PRR12: variants seen among roughly 807,000 people sequenced by gnomAD.
PRR12 encodes the protein proline rich 12, also known as proline-rich protein 12.
In PRR12, 12 loss-of-function variants were observed where a neutral mutation model predicts 138.0. The ratio of observed to expected loss-of-function variants is 0.09; its 90% CI spans 0.06 to 0.14. The LOEUF (loss-of-function observed/expected upper bound fraction) is 0.14. Among genes scored for constraint, PRR12 ranks in the 10% least tolerant of loss-of-function variants. PRR12 has a pLI of 1.00. For synonymous variants in PRR12, 1,567 were observed against 1,291.7 expected (o/e 1.21, Z -4.57); for missense variants, 2,692 against 2,861.3 (o/e 0.94, Z 1.35).
Position 49,595,794 on chromosome 19 carries a change from C to G in PRR12, c.1459C>G (p.Pro487Ala). 6.3e-7 allele frequency: 1 copy of G among 1,598,508 alleles called. No individual in the cohort carries two copies. Among genetic ancestry groups the G allele is most frequent in the Non-Finnish European group, 8.5e-7 (1 of 1,174,496 alleles). Residue 487 changes from proline (P) to alanine (A), a missense_variant, in exon 4 of 14, where the codon CCT becomes GCT. Physicochemically the swap from Pro to Ala is conservative, Grantham distance 27. Around this residue, in one of 11 missense-constraint regions of PRR12, gnomAD observed 523 missense variants for 496.4 expected, o/e 1.05. Coordinates refer to ENST00000418929, the MANE Select transcript of PRR12 (RefSeq NM_020719.3). ...GGPPQPPSGPPPPGLATCQSY... is the reference protein window; with the variant it reads ...GGPPQPPSGPAPPGLATCQSY... ...CCCCCCACAGCCCCCCAGCGGCCCCCCTCCTCCTGGCCTGGCCACATGTCA... is the reference window on the plus strand; with the variant it reads ...CCCCCCACAGCCCCCCAGCGGCCCCGCTCCTCCTGGCCTGGCCACATGTCA...
At position 49,625,616 on chromosome 19, in the gene PRR12, C is replaced by A; in HGVS notation, c.*9C>A. 6.3e-7 allele frequency: 1 copy of A among 1,592,798 alleles called. No individual in the cohort carries two copies. The highest frequency in any genetic ancestry group is 1.1e-5 in the South Asian group (1 of 89,320). ...ACAGCCGCTGCGGGTGACCCCGCCC[C>A]AGCTTGTGAGGGGGGCGCCTCCTCC... On this transcript the variant is annotated 3_prime_UTR_variant, in exon 14 of 14. Coordinates refer to ENST00000418929, the MANE Select transcript of PRR12 (RefSeq NM_020719.3). The surrounding 1 kb of genome is among the most constrained non-coding windows in gnomAD (Gnocchi z 5.5).
chr19:49,605,089 G>C (rs2080831635), intron 6 of PRR12, among the ~76,000 whole-genome samples: 1 of 151,926 alleles, frequency 6.6e-6, no homozygotes, highest in South Asian at 2.1e-4. Flanking sequence ...GACCTCGGGT[G>C]ATCCACCCGC....
rs763457767 is a variant in PRR12 at position 49,597,997 on chromosome 19, C to T, written c.3662C>T (p.Pro1221Leu). 5.8e-6 allele frequency: 8 copies of T among 1,386,456 alleles called. No homozygotes were observed. Among genetic ancestry groups the T allele is most frequent in the African/African-American group, 4.6e-5 (3 of 65,412 alleles). The allele number at this position is 1,386,456 out of a possible 1,614,324, so 85.9% of individuals were successfully genotyped here. The change falls in exon 4 of 14, where the codon CCC becomes CTC. Residue 1221 changes from proline (P) to leucine (L), a missense_variant. Around this residue, in one of 11 missense-constraint regions of PRR12, gnomAD observed 326 missense variants for 344.2 expected, o/e 0.95. Coordinates refer to ENST00000418929, the MANE Select transcript of PRR12 (RefSeq NM_020719.3). The surrounding 1 kb of genome is among the most constrained non-coding windows in gnomAD (Gnocchi z 6.3). ...GAGGCAGGGGGCACCCGGTTGGAGC[C>T]CCTGAAGCCACTTAAGGTGAGGGGA... is the stretch of plus-strand genomic sequence containing the variant. ...AEEAGGTRLEPLKPLKIKLSV... is the reference protein window; with the variant it reads ...AEEAGGTRLELLKPLKIKLSV...
chr19:49,593,554 G>A (rs2080744043), intron 2 of PRR12, 115 bp downstream of exon 2: 1 of 591,448 alleles, frequency 1.7e-6, no homozygotes, highest in South Asian at 1.9e-5. Context: ...GCCGTGGCCC[G>A]CCCCTTGCTG....
Position 49,596,238 on chromosome 19 carries a change from C to G in PRR12, c.1903C>G (p.Arg635Gly), listed in dbSNP as rs746913171. The change falls in exon 4 of 14, where the codon CGC becomes GGC. Residue 635 changes from arginine (R) to glycine (G), a missense_variant. Coordinates refer to ENST00000418929, the MANE Select transcript of PRR12 (RefSeq NM_020719.3). The surrounding 1 kb of genome is among the most constrained non-coding windows in gnomAD (Gnocchi z 5.6). ...GGGCCCAGGTGGGCCTCCTGCGGAG[C>G]GCACAGAGGATGAGGAGTTCCTTAT... The part of the protein sequence containing the change: ...LAGPGGPPAE[R>G]TEDEEFLIQH... The G allele has an allele frequency of 1.7e-5, 28 of 1,610,752 alleles. No homozygotes were observed. In the South Asian group the frequency reaches 3.0e-4, roughly 17 times the overall value.
rs1223878494 is a variant in PRR12, at chr19:49,616,248, A to AG, written c.5497+33dup. 1 of 1,307,580 alleles carries AG rather than the reference A, an allele frequency of 7.6e-7. No homozygotes were observed. The highest frequency in any genetic ancestry group is 1.0e-6 in the Non-Finnish European group (1 of 983,276). 81.0% of individuals were successfully genotyped at this position (1,307,580 alleles called of 1,614,324 possible). ...AGGCCCTAGGCAGCCTCAGGGCTGC[A>AG]GGGGTGGGTGGGGAAGGGACACAGG... is the stretch of plus-strand genomic sequence containing the variant. On this transcript the variant is annotated intron_variant, in intron 9 of 13. Coordinates refer to ENST00000418929, the MANE Select transcript of PRR12 (RefSeq NM_020719.3). This position sits in a 1 kb window ranked among gnomAD's most constrained non-coding sequence, Gnocchi z 4.2.
At chr19:49,621,859 C>T (rs1401167462) in intron 11 of PRR12, 1 of 545,256 alleles carries the variant, frequency 1.8e-6, no homozygotes, top group East Asian at 3.0e-5. Context: ...TTGTGAAAGG[C>T]TGGGCTGTTG....
intron 6 of PRR12, among the ~76,000 whole-genome samples, 152 bp downstream of exon 6, chr19:49,602,070 T>C (rs2080815181): frequency 1.3e-5 from 2 of 152,056 alleles, no homozygotes. Flanking sequence ...CTGATAGAGG[T>C]GTCGAGGACC....
Position 49,599,968 on chromosome 19 carries a change from G to A in PRR12, c.4345+30G>A, listed in dbSNP as rs1391021990. On this transcript the variant is annotated intron_variant, in intron 5 of 13. Transcript: ENST00000418929. The surrounding 1 kb of genome is among the most constrained non-coding windows in gnomAD (Gnocchi z 5.0). The stretch of plus-strand genomic sequence containing the variant: ...GCTCTGGGCAGGTGGTCTGGGAGTA[G>A]AGCTTAAAGGTTATTATGATCACTA... 3 of 1,544,640 alleles carry A rather than the reference G, an allele frequency of 1.9e-6. No individual in the cohort carries two copies. Among genetic ancestry groups the A allele is most frequent in the Non-Finnish European group, 2.6e-6 (3 of 1,143,464 alleles).
intron 1 of PRR12, 84 bp from the exon 2 acceptor site, chr19:49,593,240 TCCC>T (rs1351899893): frequency 2.7e-6 from 1 of 375,580 alleles, no homozygotes; most frequent in Admixed American, 5.5e-5. Context: ...GCTGGAAGGG[TCCC>T]CCCAACTCCC....
In PRR12 at chr19:49,614,766, T is replaced by TGCTGCCGGCAGGCTCCAAGCA; in HGVS notation, c.4891-103_4891-83dup. On this transcript the variant is annotated intron_variant, in intron 7 of 13. Transcript: ENST00000418929. This position sits in a 1 kb window ranked among gnomAD's most constrained non-coding sequence, Gnocchi z 5.0. ...ACAGTGTATCTGGAAGGGGGCCCCCTGCTGCCGGCAGGCTCCAAGCAGCTG... is the reference window on the plus strand; with the variant it reads ...ACAGTGTATCTGGAAGGGGGCCCCCTGCTGCCGGCAGGCTCCAAGCAGCTGCCGGCAGGCTCCAAGCAGCTG... The TGCTGCCGGCAGGCTCCAAGCA allele has an allele frequency of 6.5e-7, 1 of 1,540,562 alleles. No individual in the cohort carries two copies.
In PRR12 at chr19:49,616,205, C is replaced by T. The variant is rs773058313; in HGVS notation, c.5483C>T (p.Ala1828Val). 3 of 1,537,238 alleles carry T rather than the reference C, an allele frequency of 2.0e-6. No homozygotes were observed. The highest frequency in any genetic ancestry group is 1.2e-5 in the South Asian group (1 of 81,238). ...TCGGACTCGGAGTCCTCCCCTGGAG[C>T]CCCCAGCGAGGACGGTGAGGCCCTA... ...SSSDSESSPG[A>V]PSEDERAVPG... is the part of the protein sequence containing the mutation. Residue 1828 changes from alanine to valine, a missense_variant, in exon 9 of 14, where the codon GCC becomes GTC. This residue lies in a region of PRR12 where 259 missense variants were observed against 265.1 expected (regional missense o/e 0.98). Coordinates refer to ENST00000418929, the MANE Select transcript of PRR12 (RefSeq NM_020719.3). This position sits in a 1 kb window ranked among gnomAD's most constrained non-coding sequence, Gnocchi z 4.2.
intron 10 of PRR12, 146 bp downstream of exon 10, chr19:49,620,623 G>A: frequency 8.1e-7 from 1 of 1,229,810 alleles, no homozygotes; most frequent in South Asian, 1.5e-5. Flanking sequence ...CTGGACCTGG[G>A]TCTGAGAGAG....
rs1262434964 is a variant in PRR12, at chr19:49,597,460, C to T, written c.3125C>T (p.Pro1042Leu). The change falls in exon 4 of 14, where the codon CCG becomes CTG. Residue 1042 changes from proline (P) to leucine (L), a missense_variant. Coordinates refer to ENST00000418929, the MANE Select transcript of PRR12 (RefSeq NM_020719.3). This position sits in a 1 kb window ranked among gnomAD's most constrained non-coding sequence, Gnocchi z 6.3. Reference protein sequence around the residue: ...SGPHQAAPPPPPPPPPPPAPA... With the variant: ...SGPHQAAPPPLPPPPPPPAPA... Reference sequence around the variant, plus strand: ...CCCCACCAGGCGGCGCCACCACCCCCGCCTCCGCCACCGCCGCCTCCCGCG... The same window carrying T: ...CCCCACCAGGCGGCGCCACCACCCCTGCCTCCGCCACCGCCGCCTCCCGCG... 1 of 1,541,650 alleles carries T rather than the reference C, an allele frequency of 6.5e-7. No individual in the cohort carries two copies. Among genetic ancestry groups the T allele is most frequent in the Non-Finnish European group, 8.7e-7 (1 of 1,146,154 alleles).
rs1005505326 is a variant in PRR12, at chr19:49,616,385, G to A, written c.5497+166G>A. Among the ~76,000 whole-genome samples the A allele has an allele frequency of 4.6e-5, 7 of 152,032 alleles. No homozygotes were observed. Among genetic ancestry groups the A allele is most frequent in the African/African-American group, 1.7e-4 (7 of 41,348 alleles). ...GGGGCATCTCACTACACGACAGGCT[G>A]CCTCCTGAGAAGCTGATGGATGTTA... On this transcript the variant is annotated intron_variant, in intron 9 of 13. Coordinates refer to ENST00000418929, the MANE Select transcript of PRR12 (RefSeq NM_020719.3). The surrounding 1 kb of genome is among the most constrained non-coding windows in gnomAD (Gnocchi z 4.2).
In PRR12 at chr19:49,625,743, C is replaced by A; in HGVS notation, c.*136C>A. Reference sequence around the variant, plus strand: ...GGGTCAGGGTGTGTCTGTGCTGCCCCCTCCAGGGCAGGGTTCAAAGTCCGA... The same window carrying A: ...GGGTCAGGGTGTGTCTGTGCTGCCCACTCCAGGGCAGGGTTCAAAGTCCGA... On this transcript the variant is annotated 3_prime_UTR_variant, in exon 14 of 14. Coordinates refer to ENST00000418929, the MANE Select transcript of PRR12 (RefSeq NM_020719.3). This position sits in a 1 kb window ranked among gnomAD's most constrained non-coding sequence, Gnocchi z 5.5. The A allele has an allele frequency of 4.2e-6, 5 of 1,198,348 alleles. No individual in the cohort carries two copies. The highest frequency in any genetic ancestry group is 4.4e-6 in the Non-Finnish European group (4 of 907,064). 74.2% of individuals were successfully genotyped at this position (1,198,348 alleles called of 1,614,324 possible). A position where few individuals can be genotyped will look rare whatever the true frequency, so the allele number is the denominator to read the frequency against.
chr19:49,606,886 A>G (rs2080841245), intron 6 of PRR12, among the ~76,000 whole-genome samples: 1 of 152,124 alleles, frequency 6.6e-6, no homozygotes, highest in Admixed American at 6.6e-5. Context: ...TAAAGCCCCT[A>G]CAAAAACAAG....
At position 49,594,002 on chromosome 19, in the gene PRR12, C is replaced by G. The variant is rs912672650; in HGVS notation, c.200-452C>G. ...TTGGCTCCTTCCCTTTTTCCCTCCC[C>G]ATCTTTTTTTCTGAACCCTCCCACT... On this transcript the variant is annotated intron_variant, in intron 2 of 13. Transcript: ENST00000418929. The surrounding 1 kb of genome is among the most constrained non-coding windows in gnomAD (Gnocchi z 5.6). 1.3e-5 allele frequency among the ~76,000 whole-genome samples: 2 copies of G among 152,082 alleles called. No individual in the cohort carries two copies. Among genetic ancestry groups the G allele is most frequent in the African/African-American group, 2.4e-5 (1 of 41,420 alleles).
intron 6 of PRR12, among the ~76,000 whole-genome samples, chr19:49,603,156 C>G (rs978270602): frequency 1.3e-5 from 2 of 152,228 alleles, no homozygotes; most frequent in Non-Finnish European, 1.5e-5. Flanking sequence ...GTACTGGGTT[C>G]ACTGGACAAA....
Sources: allele counts gnomAD v4.1 joint callset (sites outside exome capture counted in the v4.1 genomes callset), GRCh38; gene constraint gnomAD v4.1.1; regional missense constraint gnomAD v4.1.1; non-coding constraint Gnocchi (gnomAD v3.1); transcripts MANE v1.5; gene names NCBI Gene and HGNC (gene_info 2026-07-23, HGNC 2026-07-21).